The following CLSTN2 variants were observed in gnomAD, a reference collection of about 807,000 sequenced individuals.
CLSTN2 encodes the protein calsyntenin 2.
CLSTN2 carries 48 observed loss-of-function variants against 101.2 expected under a neutral mutation model. The observed-to-expected ratio is 0.47, with a 90% confidence interval of 0.38 to 0.60. The LOEUF (loss-of-function observed/expected upper bound fraction) is 0.60. CLSTN2 is among the 20% of genes least tolerant of loss of function. The probability of loss-of-function intolerance (pLI) is 0.00; values close to 1 mark genes in which losing one functional copy is unlikely to be tolerated. For missense variants in CLSTN2, 1,160 were observed against 1,238.2 expected, an observed-to-expected ratio of 0.94 and a Z score of 0.95; for synonymous variants, 481 against 463.6, an observed-to-expected ratio of 1.04 and a Z score of -0.48.
chr3:140,114,261 C>A (rs963096916), intron 1 of CLSTN2, among the ~76,000 whole-genome samples: 1 of 152,212 alleles, frequency 6.6e-6, no homozygotes, highest in Non-Finnish European at 1.5e-5. Flanking sequence ...TTTGTTGCTT[C>A]TCCCACTTTT....
intron 2 of CLSTN2, among the ~76,000 whole-genome samples, chr3:140,262,997 GA>G (rs1357659137): frequency 2.0e-5 from 3 of 151,304 alleles, no homozygotes; most frequent in African/African-American, 7.3e-5. Context: ...TTTTGAAGAA[GA>G]ACAAATGGTT....
chr3:140,368,284 C>T (rs2087815580), intron 2 of CLSTN2, among the ~76,000 whole-genome samples: 1 of 152,160 alleles, frequency 6.6e-6, no homozygotes, highest in Non-Finnish European at 1.5e-5. Flanking sequence ...GTGCCCTAAG[C>T]AGTTAGCACC....
rs780531833 is a variant in CLSTN2 at position 140,570,647 on chromosome 3, C to A, written c.*4394C>A. On this transcript the variant is annotated 3_prime_UTR_variant, in exon 17 of 17. Transcript: ENST00000458420. Reference sequence around the variant, plus strand: ...GTTTCCATAAAACAATTTAAAAACACTAAAAAAGCAGGCAGTTTGGATTTA... The same window carrying A: ...GTTTCCATAAAACAATTTAAAAACAATAAAAAAGCAGGCAGTTTGGATTTA... The A allele has an allele frequency of 2.0e-5, 3 of 152,150 alleles. No homozygotes were observed. Among genetic ancestry groups the A allele is most frequent in the Non-Finnish European group, 4.4e-5 (3 of 68,022 alleles). The allele number at this position is 152,150 out of a possible 1,614,324, so 9.4% of individuals were successfully genotyped here.
At chr3:140,331,031 G>T (rs2087378795) in intron 2 of CLSTN2, among the ~76,000 whole-genome samples, 1 of 152,158 alleles carries the variant, frequency 6.6e-6, no homozygotes, top group South Asian at 2.1e-4. Flanking sequence ...TCTGCAAGCT[G>T]GGGAAAGACA....
intron 1 of CLSTN2, among the ~76,000 whole-genome samples, chr3:140,087,563 T>C (rs1393291033): frequency 6.6e-6 from 1 of 152,218 alleles, no homozygotes; most frequent in Non-Finnish European, 1.5e-5. Context: ...TTAATCATTC[T>C]TGAGCTAGAT....
chr3:140,329,921 C>A (rs970324246), intron 2 of CLSTN2, among the ~76,000 whole-genome samples: 3 of 152,246 alleles, frequency 2.0e-5, no homozygotes, highest in Non-Finnish European at 4.4e-5. Context: ...TTTTCTTCCC[C>A]TGTTCAGGGA....
intron 1 of CLSTN2, among the ~76,000 whole-genome samples, chr3:140,161,778 C>T (rs149150321): frequency 4.3e-4 from 65 of 152,250 alleles, no homozygotes; most frequent in African/African-American, 1.3e-3. Context: ...GTTTCAAGTC[C>T]TTTGACAAGC....
chr3:140,431,107 C>G (rs572851776), intron 5 of CLSTN2, among the ~76,000 whole-genome samples: 101 of 152,252 alleles, frequency 6.6e-4, no homozygotes, highest in Non-Finnish European at 1.2e-3. Context: ...ATGAGACTTA[C>G]CTGGAAATGG....
At chr3:140,258,940 T>C (rs2086626135) in intron 2 of CLSTN2, among the ~76,000 whole-genome samples, 1 of 152,196 alleles carries the variant, frequency 6.6e-6, no homozygotes. Flanking sequence ...TGCAGATATG[T>C]AAGTCATGTA....
intron 2 of CLSTN2, among the ~76,000 whole-genome samples, chr3:140,246,130 T>A (rs980370016): frequency 4.6e-5 from 7 of 152,202 alleles, no homozygotes; most frequent in Admixed American, 4.6e-4. Flanking sequence ...GAACCAAGAA[T>A]GACACTGATA....
intron 2 of CLSTN2, among the ~76,000 whole-genome samples, chr3:140,297,507 TG>T (rs1234658241): frequency 1.3e-5 from 2 of 152,182 alleles, no homozygotes; most frequent in Admixed American, 6.5e-5. Flanking sequence ...AATTGGCAAA[TG>T]TTTTTTTTCT....
chr3:140,250,356 A>T lies in CLSTN2; in HGVS notation c.232+74283A>T, dbSNP rs535407733. ...CTTCCAAAGAATGTGCTGTACCTTC[A>T]TGGTGAAATGGGGGCAGATGGCTTG... On this transcript the variant is annotated intron_variant, in intron 2 of 16. Transcript: ENST00000458420. Among the ~76,000 whole-genome samples the T allele has an allele frequency of 2.6e-5, 4 of 152,278 alleles. No homozygotes were observed. The East Asian group carries it at 7.7e-4, about 29-fold the overall frequency.
In CLSTN2 at chr3:140,466,766, G is replaced by A. The variant is rs746961581; in HGVS notation, c.1344+35G>A. The A allele has an allele frequency of 5.0e-6, 8 of 1,612,616 alleles. No individual in the cohort carries two copies. The East Asian group carries it at 1.8e-4, about 36-fold the overall frequency. Reference sequence around the variant, plus strand: ...TCACCTCACACCTGCTGCTACTCATGCCTCTGCGGGGGTGGCCAGTCCAAT... The same window carrying A: ...TCACCTCACACCTGCTGCTACTCATACCTCTGCGGGGGTGGCCAGTCCAAT... On this transcript the variant is annotated intron_variant, in intron 8 of 16. Coordinates refer to ENST00000458420, the MANE Select transcript of CLSTN2 (RefSeq NM_022131.3).
intron 1 of CLSTN2, among the ~76,000 whole-genome samples, chr3:140,061,993 G>A (rs1363576557): frequency 1.3e-5 from 2 of 152,194 alleles, no homozygotes; most frequent in Non-Finnish European, 2.9e-5. Flanking sequence ...CCAATAGTCT[G>A]CAAGCTGCAG....
rs536131067 is a variant in CLSTN2 at position 140,247,154 on chromosome 3, C to T, written c.232+71081C>T. On this transcript the variant is annotated intron_variant, in intron 2 of 16. Transcript: ENST00000458420. ...GATCATGAAAGGGCCTTGACATAGA[C>T]GTTGGGGTCTTGACTTGGTTATCAG... Among the ~76,000 whole-genome samples, 3 of 152,272 alleles carry T rather than the reference C, an allele frequency of 2.0e-5. No individual in the cohort carries two copies. The East Asian group carries it at 5.8e-4, about 29-fold the overall frequency.
chr3:139,993,167 T>G (rs940288615), intron 1 of CLSTN2, among the ~76,000 whole-genome samples: 1 of 152,044 alleles, frequency 6.6e-6, no homozygotes, highest in Non-Finnish European at 1.5e-5. Flanking sequence ...CATTCCCTCA[T>G]AGGGAGATCC....
At chr3:140,321,849 A>G (rs987490934) in intron 2 of CLSTN2, among the ~76,000 whole-genome samples, 21 of 152,214 alleles carry the variant, frequency 1.4e-4, no homozygotes, top group African/African-American at 4.6e-4. Context: ...CACCCAAGGT[A>G]CCATCTCTGT....
At chr3:140,192,054 C>T (rs2010572944) in intron 2 of CLSTN2, among the ~76,000 whole-genome samples, 1 of 151,908 alleles carries the variant, frequency 6.6e-6, no homozygotes, top group South Asian at 2.1e-4. Context: ...TATGTACTAG[C>T]TTATTTCCAC....
At chr3:140,226,261 A>G (rs1166518365) in intron 2 of CLSTN2, among the ~76,000 whole-genome samples, 2 of 152,200 alleles carry the variant, frequency 1.3e-5, no homozygotes, top group Non-Finnish European at 2.9e-5. Context: ...GAAGGGTAAC[A>G]TGAGAGGTCC....
Sources: allele counts gnomAD v4.1 joint callset (sites outside exome capture counted in the v4.1 genomes callset), GRCh38; gene constraint gnomAD v4.1.1; transcripts MANE v1.5; gene names NCBI Gene and HGNC (gene_info 2026-07-23, HGNC 2026-07-21).